FOXP1: variants seen among roughly 807,000 people sequenced by gnomAD.
FOXP1 encodes the protein forkhead box protein P1.
Under a neutral mutation model 98.2 loss-of-function variants are expected in FOXP1, and 15 were observed. The observed-to-expected ratio is 0.15, with a 90% CI of 0.10 to 0.24. The LOEUF (loss-of-function observed/expected upper bound fraction) is 0.24. Ranked by LOEUF, FOXP1 falls within the 10% of genes least tolerant of loss-of-function variation. The probability of loss-of-function intolerance (pLI) is 1.00; values close to 1 mark genes in which losing one functional copy is unlikely to be tolerated. For missense variants in FOXP1, 633 were observed against 848.5 expected, an observed-to-expected ratio of 0.75 and a Z score of 3.15; for synonymous variants, 371 against 314.5, an observed-to-expected ratio of 1.18 and a Z score of -1.90.
intron 20 of FOXP1, among the ~76,000 whole-genome samples, chr3:70,961,774 G>A (rs935295265): frequency 2.0e-5 from 3 of 152,126 alleles, no homozygotes; most frequent in Non-Finnish European, 4.4e-5. Context: ...ATTAAAGCAA[G>A]TACATGCCAG....
chr3:71,319,084 C>T (rs982458093), intron 4 of FOXP1, among the ~76,000 whole-genome samples: 1 of 152,212 alleles, frequency 6.6e-6, no homozygotes, highest in African/African-American at 2.4e-5. Flanking sequence ...TTGCCATTAA[C>T]TGAAGTTTTC....
At chr3:71,094,006 C>T (rs111910462) in intron 7 of FOXP1, among the ~76,000 whole-genome samples, 22 of 152,188 alleles carry the variant, frequency 1.4e-4, no homozygotes, top group African/African-American at 4.8e-4. Context: ...CCTATAAATT[C>T]AGTAAGTTTC....
intron 11 of FOXP1, among the ~76,000 whole-genome samples, chr3:71,036,806 GA>G (rs1157491638): frequency 4.5e-4 from 69 of 152,180 alleles, no homozygotes; most frequent in African/African-American, 1.6e-3. Context: ...CCATAAAAGA[GA>G]AAACTCTGGT....
At chr3:71,444,508 T>C (rs1433733930) in intron 3 of FOXP1, among the ~76,000 whole-genome samples, 1 of 151,984 alleles carries the variant, frequency 6.6e-6, no homozygotes, top group African/African-American at 2.4e-5. Context: ...CCGTCAACTG[T>C]CAGGGCCCTG....
intron 11 of FOXP1, 137 bp from the exon 12 acceptor site, chr3:71,015,790 G>A (rs754373125): frequency 3.2e-5 from 20 of 627,420 alleles, no homozygotes; most frequent in Non-Finnish European, 5.5e-5. Context: ...CCCATCCCAT[G>A]TAATTGACTA....
chr3:71,112,636 G>T lies in FOXP1; in HGVS notation c.182C>A (p.Ala61Glu). The T allele has an allele frequency of 1.2e-6, 2 of 1,612,924 alleles. No homozygotes were observed. Among genetic ancestry groups the T allele is most frequent in the Non-Finnish European group, 1.7e-6 (2 of 1,178,924 alleles). ...AAGGAGCTGTCTTGCCACCTGAAGT[G>T]CCTGGAAGGAAAAACAAGAAAATCC... Reference protein sequence around the residue: ...LAHAQQQQQQALQVARQLLLQ... With the variant: ...LAHAQQQQQQELQVARQLLLQ... Residue 61 changes from alanine (A) to glutamate (E), a missense_variant and splice_region_variant, in exon 7 of 21, where the codon GCA becomes GAA. Physicochemically the swap from Ala to Glu is moderately radical, Grantham distance 107. Coordinates refer to ENST00000649528, the MANE Select transcript of FOXP1 (RefSeq NM_001349338.3).
chr3:71,560,582 C>T (rs894376836), intron 2 of FOXP1, among the ~76,000 whole-genome samples: 5 of 152,118 alleles, frequency 3.3e-5, no homozygotes, highest in East Asian at 1.9e-4. Flanking sequence ...TGAAAACATA[C>T]GAAAACACAA....
At chr3:71,151,872 A>T (rs544329175) in intron 6 of FOXP1, among the ~76,000 whole-genome samples, 1 of 152,174 alleles carries the variant, frequency 6.6e-6, no homozygotes, top group Non-Finnish European at 1.5e-5. Flanking sequence ...GCTGGAGAAC[A>T]ATCCACGAAC....
intron 5 of FOXP1, among the ~76,000 whole-genome samples, chr3:71,232,896 A>AAAAAAAAAAAAAAAAAAAG (rs2066431600): frequency 7.4e-6 from 1 of 135,566 alleles, no homozygotes; most frequent in Non-Finnish European, 1.6e-5. Context: ...AAAAAAAAAA[A>AAAAAAAAAAAAAAAAAAAG]GCAAGAAAAA....
At chr3:70,985,274 T>C (rs1359355525) in intron 14 of FOXP1, among the ~76,000 whole-genome samples, 1 of 152,190 alleles carries the variant, frequency 6.6e-6, no homozygotes, top group Admixed American at 6.5e-5. Flanking sequence ...TAGGGCGGAA[T>C]AAATTAATTA....
chr3:71,253,451 CA>C (rs1215219509), intron 5 of FOXP1, among the ~76,000 whole-genome samples: 2 of 152,042 alleles, frequency 1.3e-5, no homozygotes, highest in Admixed American at 6.6e-5. Flanking sequence ...GATACATGTC[CA>C]AGTTCTGATC....
intron 3 of FOXP1, among the ~76,000 whole-genome samples, chr3:71,403,682 C>T (rs1429373890): frequency 6.6e-6 from 1 of 152,130 alleles, no homozygotes; most frequent in African/African-American, 2.4e-5. Context: ...AACCCCATCT[C>T]CATTAAAAAT....
intron 12 of FOXP1, among the ~76,000 whole-genome samples, chr3:71,002,104 TAAAACCCAGGTCTGTAACCCTTTG>T (rs1283025158): frequency 6.6e-6 from 1 of 152,222 alleles, no homozygotes; most frequent in Admixed American, 6.5e-5. Flanking sequence ...ATCAGAGATT[TAAAACCCAGGTCTGTAACCCTTTG>T]AAACAACTAA....
chr3:71,352,881 T>A (rs1249254593), intron 4 of FOXP1, among the ~76,000 whole-genome samples: 1 of 152,198 alleles, frequency 6.6e-6, no homozygotes, highest in African/African-American at 2.4e-5. Context: ...TTCTTCTAGG[T>A]ACATACATAC....
intron 6 of FOXP1, among the ~76,000 whole-genome samples, chr3:71,166,043 T>C (rs1393951594): frequency 1.3e-5 from 2 of 152,302 alleles, no homozygotes; most frequent in East Asian, 1.9e-4. Context: ...GTTAAAACAT[T>C]AGCCAAATTC....
At chr3:71,342,568 CTG>C (rs2077074313) in intron 4 of FOXP1, among the ~76,000 whole-genome samples, 1 of 151,998 alleles carries the variant, frequency 6.6e-6, no homozygotes, top group South Asian at 2.1e-4. Context: ...TGGCAGACTC[CTG>C]TAGTTCCAGC....
At chr3:71,089,685 A>G (rs990682243) in intron 7 of FOXP1, among the ~76,000 whole-genome samples, 1 of 152,180 alleles carries the variant, frequency 6.6e-6, no homozygotes, top group African/African-American at 2.4e-5. Flanking sequence ...AGGAACTCTA[A>G]TTTTCACAAG....
Position 70,958,330 on chromosome 3 carries a change from C to A in FOXP1, c.*917G>T. On this transcript the variant is annotated 3_prime_UTR_variant, in exon 21 of 21. Coordinates refer to ENST00000649528, the MANE Select transcript of FOXP1 (RefSeq NM_001349338.3). ...GTCTCTCTTTTTTTTTTCTGTCATT[C>A]ATTCTCTTTCTGGCAGGACGTCACG... 1.9e-6 allele frequency: 1 copy of A among 528,340 alleles called. No individual in the cohort carries two copies. Among genetic ancestry groups the A allele is most frequent in the South Asian group, 1.5e-5 (1 of 65,108 alleles). The allele number at this position is 528,340 out of a possible 1,614,324, so 32.7% of individuals were successfully genotyped here.
At chr3:70,965,805 A>G in intron 20 of FOXP1, 85 bp downstream of exon 20, 1 of 1,325,620 alleles carries the variant, frequency 7.5e-7, no homozygotes. Flanking sequence ...AGGTATATAA[A>G]GCCCAGAGAA....
Sources: gnomAD v4.1 joint callset for allele counts (sites outside exome capture counted in the v4.1 genomes callset) on GRCh38, gnomAD v4.1.1 for gene constraint, MANE v1.5 for transcripts, NCBI Gene and HGNC (gene_info 2026-07-23, HGNC 2026-07-21) for gene names.